The following PRIM2 variants were observed in gnomAD, a reference collection of about 807,000 sequenced individuals.
The protein encoded by PRIM2 is DNA primase large subunit.
Under a neutral mutation model 67.3 loss-of-function variants are expected in PRIM2, and 39 were observed. That is an observed-to-expected ratio of 0.58 (90% CI 0.45 to 0.76). The LOEUF is 0.76. Among genes scored for constraint, PRIM2 ranks in the 30% least tolerant of loss-of-function variants. The probability of loss-of-function intolerance (pLI) is 0.00; values close to 1 mark genes in which losing one functional copy is unlikely to be tolerated. For synonymous variants in PRIM2, 143 were observed against 198.7 expected, an observed-to-expected ratio of 0.72 and a Z score of 2.36; for missense variants, 398 against 598.7, an observed-to-expected ratio of 0.66 and a Z score of 3.50.
At chr6:57,290,403 A>G in the PRIM2 span, among the ~76,000 whole-genome samples, 82 of 152,292 alleles carry the variant, frequency 5.4e-4, no homozygotes, top group African/African-American at 1.9e-3. Flanking sequence ...CACAATAATC[A>G]TGGTAGACTT....
chr6:57,627,354 G>T (rs1321550864), intron 12 of PRIM2, among the ~76,000 whole-genome samples: 2 of 136,420 alleles, frequency 1.5e-5, no homozygotes, highest in East Asian at 4.9e-4. Context: ...CCAAAATATT[G>T]TAGTTTGATG....
intron 8 of PRIM2, among the ~76,000 whole-genome samples, chr6:57,508,044 C>G: frequency 1.3e-5 from 2 of 152,310 alleles, no homozygotes; most frequent in African/African-American, 4.8e-5. Flanking sequence ...TCAAACAATT[C>G]TTGTGCCTCA....
At chr6:57,586,405 A>G (rs1402657194) in intron 10 of PRIM2, among the ~76,000 whole-genome samples, 58,851 of 151,724 alleles carry the variant, frequency 0.39, 11,678 homozygotes, top group East Asian at 0.65. Flanking sequence ...TTCCATTCGT[A>G]TGAGAGATGT....
At chr6:57,644,790 GTCAC>G (rs1777306334) in intron 13 of PRIM2, among the ~76,000 whole-genome samples, 1 of 152,144 alleles carries the variant, frequency 6.6e-6, no homozygotes, top group South Asian at 2.1e-4. Flanking sequence ...GAAACCAACA[GTCAC>G]TCACTCAAGC....
At chr6:57,481,044 G>A (rs1157512037) in intron 7 of PRIM2, among the ~76,000 whole-genome samples, 7 of 152,148 alleles carry the variant, frequency 4.6e-5, no homozygotes, top group African/African-American at 1.7e-4. Context: ...GTAGTACAGA[G>A]AGGTCCTTCT....
intron 5 of PRIM2, among the ~76,000 whole-genome samples, chr6:57,346,349 C>T (rs998694838): frequency 2.0e-4 from 31 of 152,108 alleles, no homozygotes; most frequent in Middle Eastern, 3.4e-3. Flanking sequence ...CGGAGTCTCA[C>T]TCTGTCGCCC....
chr6:57,406,572 G>T (rs1770900015), intron 7 of PRIM2, among the ~76,000 whole-genome samples: 1 of 152,034 alleles, frequency 6.6e-6, no homozygotes, highest in Non-Finnish European at 1.5e-5. Flanking sequence ...AGTTCTAGGA[G>T]AGTAATGTGT....
At chr6:57,296,073 A>G in the PRIM2 span, among the ~76,000 whole-genome samples, 2 of 152,194 alleles carry the variant, frequency 1.3e-5, no homozygotes, top group Non-Finnish European at 2.9e-5. Flanking sequence ...AATACTAACT[A>G]TAACAAATGA....
upstream of PRIM2, among the ~76,000 whole-genome samples, chr6:57,314,357 A>G (rs1052692736): frequency 2.0e-5 from 3 of 152,176 alleles, no homozygotes; most frequent in African/African-American, 7.2e-5. Context: ...TCTACTAAAA[A>G]AGCAAAAAAA....
At chr6:57,554,903 T>C (rs1775481933) in intron 10 of PRIM2, among the ~76,000 whole-genome samples, 1 of 152,246 alleles carries the variant, frequency 6.6e-6, no homozygotes, top group African/African-American at 2.4e-5. Context: ...TCATTTGCTT[T>C]TCTGACTGTT....
the PRIM2 span, among the ~76,000 whole-genome samples, chr6:57,234,925 C>T: frequency 4.6e-5 from 7 of 152,148 alleles, no homozygotes; most frequent in East Asian, 1.9e-4. Flanking sequence ...GTCATCTCAA[C>T]GCTTTGAAAG....
At chr6:57,396,491 C>T (rs1019469138) in intron 7 of PRIM2, among the ~76,000 whole-genome samples, 5 of 152,128 alleles carry the variant, frequency 3.3e-5, no homozygotes, top group Non-Finnish European at 5.9e-5. Context: ...TTTTGGTGTC[C>T]ATTTGCATGA....
intron 5 of PRIM2, among the ~76,000 whole-genome samples, chr6:57,339,187 T>C (rs938079907): frequency 6.6e-6 from 1 of 152,092 alleles, no homozygotes; most frequent in Non-Finnish European, 1.5e-5. Context: ...TACAAACCAC[T>C]GCTCAAGGAA....
chr6:57,313,599 T>C (rs1767427019), upstream of PRIM2, among the ~76,000 whole-genome samples: 1 of 152,178 alleles, frequency 6.6e-6, no homozygotes, highest in African/African-American at 2.4e-5. Context: ...GTGCTTTCTT[T>C]AGGTTGTTTC....
chr6:57,516,855 A>G (rs1361955912), intron 8 of PRIM2, among the ~76,000 whole-genome samples: 10 of 152,326 alleles, frequency 6.6e-5, no homozygotes, highest in African/African-American at 2.4e-4. Context: ...ATCAGTAAAA[A>G]GAGAAGTTTA....
chr6:57,341,628 C>T (rs1768495108), intron 5 of PRIM2, among the ~76,000 whole-genome samples: 1 of 152,180 alleles, frequency 6.6e-6, no homozygotes, highest in African/African-American at 2.4e-5. Context: ...TAGGAACATG[C>T]ACACTTTCAT....
intron 5 of PRIM2, among the ~76,000 whole-genome samples, chr6:57,373,630 A>AT (rs1213297475): frequency 1.3e-5 from 2 of 152,144 alleles, no homozygotes; most frequent in African/African-American, 4.8e-5. Context: ...TGTATATGGT[A>AT]TAAGGACAGG....
At chr6:57,349,899 CAAAA>C (rs35137848) in intron 5 of PRIM2, among the ~76,000 whole-genome samples, 1 of 151,772 alleles carries the variant, frequency 6.6e-6, no homozygotes, top group Non-Finnish European at 1.5e-5. Flanking sequence ...TTTGTAAAAA[CAAAA>C]AAAATCTTCT....
At chr6:57,294,422 A>C in the PRIM2 span, among the ~76,000 whole-genome samples, 1 of 152,088 alleles carries the variant, frequency 6.6e-6, no homozygotes, top group Non-Finnish European at 1.5e-5. Context: ...TGGAGGTTGC[A>C]GTGAGCCGAG....
Sources: allele counts gnomAD v4.1 joint callset (sites outside exome capture counted in the v4.1 genomes callset), GRCh38; gene constraint gnomAD v4.1.1; transcripts MANE v1.5; gene names NCBI Gene and HGNC (gene_info 2026-07-23, HGNC 2026-07-21).